The following DOCK9 variants were observed in gnomAD, a reference collection of about 807,000 sequenced individuals.
DOCK9 encodes dedicator of cytokinesis 9, also known as dedicator of cytokinesis protein 9.
A neutral mutation model predicts 263.3 loss-of-function variants in DOCK9; 89 were observed. That is an observed-to-expected ratio of 0.34 (90% CI 0.28 to 0.40). The LOEUF is 0.40. DOCK9 is among the 10% of genes least tolerant of loss of function. The pLI, the probability that DOCK9 is intolerant of heterozygous loss-of-function variation, is 1.00. For synonymous variants in DOCK9, 976 were observed against 973.1 expected (o/e 1.00, Z -0.06); for missense variants, 2,140 against 2,603.4 (o/e 0.82, Z 3.87).
chr13:99,080,939 G>A (rs186714718), intron 1 of DOCK9, among the ~76,000 whole-genome samples: 3 of 152,364 alleles, frequency 2.0e-5, no homozygotes, highest in Admixed American at 2.0e-4. Context: ...AATGTGGACA[G>A]TGATTTCACA....
chr13:99,042,495 G>A (rs1485286042), intron 1 of DOCK9, among the ~76,000 whole-genome samples: 4 of 152,196 alleles, frequency 2.6e-5, no homozygotes, highest in Non-Finnish European at 5.9e-5. Flanking sequence ...CAGGGAAGAC[G>A]GTATCACTAA....
Position 98,885,775 on chromosome 13 carries a change from GA to G in DOCK9, c.2192del (p.Phe731SerfsTer32). On this transcript the variant is annotated frameshift_variant, in exon 20 of 53. Coordinates refer to ENST00000682017, the MANE Select transcript of DOCK9 (RefSeq NM_001366683.2). LOFTEE classifies it high-confidence loss of function. ...LHEKHHLLLT[F>X]FHVSCDNSSK... Reference sequence around the variant, plus strand: ...TTGAGTTGTCACAGCTGACATGGAAGAATGTGAGCAACAGGTGGTGCTTTTC... The same window carrying G: ...TTGAGTTGTCACAGCTGACATGGAAGATGTGAGCAACAGGTGGTGCTTTTC... 1 of 1,612,984 alleles carries G rather than the reference GA, an allele frequency of 6.2e-7. No homozygotes were observed.
Position 99,040,528 on chromosome 13 carries a change from A to G in DOCK9, c.129+45695T>C, listed in dbSNP as rs375455946. ...AAAAAAAATTGTACATGGTGATTGT[A>G]TAAATAAAGCATTCTACTTTAAAAC... On this transcript the variant is annotated intron_variant, in intron 1 of 32. Transcript: ENST00000427887. Among the ~76,000 whole-genome samples the G allele has an allele frequency of 2.6e-5, 4 of 152,386 alleles. 1 individual carries two copies. Among genetic ancestry groups the G allele is most frequent in the African/African-American group, 9.6e-5 (4 of 41,590 alleles).
rs1594384458 is a variant in DOCK9 at position 98,825,820 on chromosome 13, C to A, written c.5023+1010G>T. ...GGGCAAATCCCCCACCACGGGAGGG[C>A]ACGTGACCAGGGCAGGGGGTCCCCG... On this transcript the variant is annotated intron_variant, in intron 44 of 52. Transcript: ENST00000682017. The surrounding 1 kb of genome is among the most constrained non-coding windows in gnomAD (Gnocchi z 4.1). The A allele has an allele frequency of 7.9e-7, 1 of 1,270,114 alleles. No individual in the cohort carries two copies. Among genetic ancestry groups the A allele is most frequent in the Admixed American group, 3.2e-5 (1 of 30,944 alleles). The allele number at this position is 1,270,114 out of a possible 1,614,324, so 78.7% of individuals were successfully genotyped here.
At chr13:98,850,869 C>A (rs2093548703) in intron 35 of DOCK9, among the ~76,000 whole-genome samples, 2 of 152,146 alleles carry the variant, frequency 1.3e-5, no homozygotes, top group Admixed American at 1.3e-4. Context: ...TAATAGCTAA[C>A]CTTTTTTGCA....
chr13:98,867,766 A>G (rs1448816344), intron 29 of DOCK9, among the ~76,000 whole-genome samples, 162 bp downstream of exon 29: 1 of 152,136 alleles, frequency 6.6e-6, no homozygotes, highest in East Asian at 1.9e-4. Flanking sequence ...GGCTCCTCCT[A>G]CTTCAATGAA....
chr13:98,893,143 G>A (rs530732649), intron 15 of DOCK9, among the ~76,000 whole-genome samples: 4 of 152,198 alleles, frequency 2.6e-5, no homozygotes, highest in Non-Finnish European at 5.9e-5. Context: ...TGGGTTTAGA[G>A]AAAGTCAAGC....
chr13:99,035,106 T>C (rs926628774), intron 1 of DOCK9, among the ~76,000 whole-genome samples: 5 of 152,266 alleles, frequency 3.3e-5, no homozygotes, highest in Admixed American at 6.5e-5. Context: ...TCAACTTTCA[T>C]GTGCAGGTTT....
At chr13:98,850,963 A>G (rs1322859036) in intron 35 of DOCK9, among the ~76,000 whole-genome samples, 5 of 152,228 alleles carry the variant, frequency 3.3e-5, no homozygotes, top group African/African-American at 4.8e-5. Flanking sequence ...GCCTGAGATA[A>G]GCAGAGACGG....
chr13:98,915,215 C>G, intron 8 of DOCK9, 114 bp downstream of exon 8: 1 of 979,744 alleles, frequency 1.0e-6, no homozygotes, highest in Non-Finnish European at 1.5e-6. Flanking sequence ...GAGCTCCTAT[C>G]CGTCCCACCT....
chr13:98,869,369 G>T (rs1481565171), intron 27 of DOCK9, among the ~76,000 whole-genome samples: 1 of 152,182 alleles, frequency 6.6e-6, no homozygotes, highest in Non-Finnish European at 1.5e-5. Flanking sequence ...GGTCAGAGAG[G>T]TTAGGTACAT....
At chr13:98,856,165 C>G (rs867324546) in intron 33 of DOCK9, 134 bp from the exon 34 acceptor site, 1 of 830,762 alleles carries the variant, frequency 1.2e-6, no homozygotes, top group Non-Finnish European at 1.8e-6. Flanking sequence ...AGTTGCATTC[C>G]ATTACTTCAC....
intron 15 of DOCK9, among the ~76,000 whole-genome samples, chr13:98,894,955 TACAAA>T (rs1566887807): frequency 1.1e-3 from 4 of 3,592 alleles, no homozygotes; most frequent in Admixed American, 3.9e-3. Flanking sequence ...TCTACTAAAA[TACAAA>T]AAAAAAAAAA....
intron 38 of DOCK9, among the ~76,000 whole-genome samples, chr13:98,845,073 T>C (rs1461724227): frequency 6.6e-6 from 1 of 152,224 alleles, no homozygotes; most frequent in African/African-American, 2.4e-5. Context: ...TGCTGTATGG[T>C]TGATATCTTT....
chr13:99,077,614 A>G (rs2041961904), intron 1 of DOCK9, among the ~76,000 whole-genome samples: 1 of 152,192 alleles, frequency 6.6e-6, no homozygotes, highest in Non-Finnish European at 1.5e-5. Context: ...TACTGCACAG[A>G]CCAGGAAAGA....
intron 22 of DOCK9, 127 bp from the exon 23 acceptor site, chr13:98,883,258 T>C: frequency 1.2e-6 from 1 of 857,790 alleles, no homozygotes; most frequent in South Asian, 1.8e-5. Flanking sequence ...GTTGTTGCTG[T>C]TTTTTTTGAG....
rs1415301667 is a variant in DOCK9, at chr13:98,794,038, A to T, written c.*588T>A. The T allele has an allele frequency of 6.5e-6, 1 of 152,770 alleles. No homozygotes were observed. The highest frequency in any genetic ancestry group is 1.5e-5 in the Non-Finnish European group (1 of 68,170). 9.5% of individuals were successfully genotyped at this position (152,770 alleles called of 1,614,324 possible). A position where few individuals can be genotyped will look rare whatever the true frequency, so the allele number is the denominator to read the frequency against. On this transcript the variant is annotated 3_prime_UTR_variant, in exon 53 of 53. Transcript: ENST00000682017. The stretch of plus-strand genomic sequence containing the variant: ...AAACTGCTTGACTAGTTTTAAGCTC[A>T]CATAATTCCTTAAGCTTTCATATTT...
intron 1 of DOCK9, among the ~76,000 whole-genome samples, chr13:99,059,634 A>T (rs981018227): frequency 6.6e-6 from 1 of 152,248 alleles, no homozygotes; most frequent in Non-Finnish European, 1.5e-5. Context: ...AACCAACCTC[A>T]GGACAAAATA....
chr13:98,917,865 A>C (rs1812094741), intron 7 of DOCK9, among the ~76,000 whole-genome samples: 2 of 152,134 alleles, frequency 1.3e-5, no homozygotes, highest in South Asian at 4.1e-4. Flanking sequence ...CGGGGGTTCC[A>C]CCTGGCGGCA....
Sources: allele counts gnomAD v4.1 joint callset (sites outside exome capture counted in the v4.1 genomes callset), GRCh38; gene constraint gnomAD v4.1.1; non-coding constraint Gnocchi (gnomAD v3.1); transcripts MANE v1.5; gene names NCBI Gene and HGNC (gene_info 2026-07-23, HGNC 2026-07-21).